Variants in ASPH observed in about 807,000 individuals in gnomAD.
The protein encoded by ASPH is aspartyl/asparaginyl beta-hydroxylase.
ASPH carries 100 observed loss-of-function variants against 118.4 expected under a neutral mutation model. The ratio of observed to expected loss-of-function variants is 0.84; its 90% confidence interval spans 0.72 to 1.00. The LOEUF (loss-of-function observed/expected upper bound fraction) is 1.00. ASPH is among the 50% of genes least tolerant of loss of function. The pLI is 0.00. For missense variants in ASPH, 920 were observed against 919.5 expected (o/e 1.00, Z -0.01); for synonymous variants, 315 against 325.6 (o/e 0.97, Z 0.35).
intron 9 of ASPH, 61 bp downstream of exon 9, chr8:61,643,325 A>G: frequency 6.6e-7 from 1 of 1,513,004 alleles, no homozygotes; most frequent in Non-Finnish European, 9.0e-7. Flanking sequence ...ATGTAAACAC[A>G]GCATGTGATT....
chr8:61,585,164 C>T (rs1370771586), intron 14 of ASPH, among the ~76,000 whole-genome samples: 2 of 152,156 alleles, frequency 1.3e-5, no homozygotes, highest in African/African-American at 2.4e-5. Context: ...TGGCTCTGTG[C>T]ACAACCTCAG....
At chr8:61,504,597 G>A (rs1393967827) in intron 24 of ASPH, among the ~76,000 whole-genome samples, 1 of 152,150 alleles carries the variant, frequency 6.6e-6, no homozygotes, top group Non-Finnish European at 1.5e-5. Context: ...ATCTAGGCTG[G>A]ATCATTCTCT....
Position 61,654,068 on chromosome 8 carries a change from G to A in ASPH, c.323-408C>T, listed in dbSNP as rs184991404. On this transcript the variant is annotated intron_variant, in intron 3 of 24. Coordinates refer to ENST00000379454, the MANE Select transcript of ASPH (RefSeq NM_004318.4). ...AATTTTCTGTTATTCAGGTACACTC[G>A]ATGTTTTCACTTATATAATTATTTA... Among the ~76,000 whole-genome samples, 37 of 152,196 alleles carry A rather than the reference G, an allele frequency of 2.4e-4. No homozygotes were observed. The East Asian group carries it at 6.9e-3, about 29-fold the overall frequency.
At chr8:61,533,434 C>T (rs1391294630) in intron 21 of ASPH, among the ~76,000 whole-genome samples, 6 of 152,086 alleles carry the variant, frequency 3.9e-5, no homozygotes, top group South Asian at 2.1e-4. Context: ...TACATTTTCT[C>T]GATTTCCCAC....
chr8:61,601,750 G>C (rs1389685012), intron 14 of ASPH, among the ~76,000 whole-genome samples: 2 of 151,272 alleles, frequency 1.3e-5, no homozygotes, highest in Non-Finnish European at 2.9e-5. Context: ...AAGAAAAAGA[G>C]AGAAGACACA....
intron 16 of ASPH, among the ~76,000 whole-genome samples, chr8:61,575,482 G>A (rs1563878154): frequency 6.6e-6 from 1 of 152,002 alleles, no homozygotes; most frequent in Non-Finnish European, 1.5e-5. Context: ...CTTGTCTTAT[G>A]CATTGTCTTC....
rs980472082 is a variant in ASPH, at chr8:61,550,690, C to T, written c.1626+2341G>A. 9.8e-5 allele frequency among the ~76,000 whole-genome samples: 15 copies of T among 152,288 alleles called. No homozygotes were observed. The East Asian group carries it at 2.1e-3, about 22-fold the overall frequency. ...TGCCTAAGGATTGTAAATGCTATCG[C>T]GTGCAAACAGAATGTTATGTTATTT... On this transcript the variant is annotated intron_variant, in intron 20 of 24. Coordinates refer to ENST00000379454, the MANE Select transcript of ASPH (RefSeq NM_004318.4).
At chr8:61,623,964 T>C (rs369147357) in intron 13 of ASPH, 1 of 153,212 alleles carries the variant, frequency 6.5e-6, no homozygotes, top group African/African-American at 2.4e-5. Flanking sequence ...TGCTAAAAAT[T>C]AAAACAATTG....
chr8:61,668,094 T>C, intron 3 of ASPH: 1 of 710,298 alleles, frequency 1.4e-6, no homozygotes, highest in Non-Finnish European at 2.3e-6. Flanking sequence ...AAACTACTTA[T>C]AACCTAAGTT....
chr8:61,638,660 G>T (rs566436523), intron 10 of ASPH, among the ~76,000 whole-genome samples: 1 of 152,238 alleles, frequency 6.6e-6, no homozygotes, highest in East Asian at 1.9e-4. Context: ...TGTACCCTGG[G>T]AATCAACTGG....
At chr8:61,709,533 G>A (rs1837555979) in intron 1 of ASPH, among the ~76,000 whole-genome samples, 1 of 152,176 alleles carries the variant, frequency 6.6e-6, no homozygotes, top group Non-Finnish European at 1.5e-5. Flanking sequence ...AGCAGCCCTT[G>A]CACCTCCACA....
Position 61,650,840 on chromosome 8 carries a change from T to C in ASPH, c.490+210A>G, listed in dbSNP as rs546094891. Among the ~76,000 whole-genome samples the C allele has an allele frequency of 4.6e-5, 7 of 152,346 alleles. No homozygotes were observed. The South Asian group carries it at 6.2e-4, about 14-fold the overall frequency. Reference sequence around the variant, plus strand: ...TCCCACCAGTTCTCTCTTAGATGTATGCAGTGAGTTCCTCCACGGTGAAGT... The same window carrying C: ...TCCCACCAGTTCTCTCTTAGATGTACGCAGTGAGTTCCTCCACGGTGAAGT... On this transcript the variant is annotated intron_variant, in intron 5 of 24. Transcript: ENST00000379454.
At chr8:61,573,390 G>A (rs1326667095) in intron 16 of ASPH, among the ~76,000 whole-genome samples, 1 of 152,122 alleles carries the variant, frequency 6.6e-6, no homozygotes, top group Non-Finnish European at 1.5e-5. Flanking sequence ...AACCAAAAAA[G>A]AGCCATATAG....
At chr8:61,670,271 A>G (rs1821769368) in intron 3 of ASPH, among the ~76,000 whole-genome samples, 1 of 151,994 alleles carries the variant, frequency 6.6e-6, no homozygotes, top group Admixed American at 6.6e-5. Context: ...ATAAAATGAA[A>G]TTAAATTTTT....
intron 20 of ASPH, among the ~76,000 whole-genome samples, chr8:61,549,195 T>C (rs1824982060): frequency 7.2e-5 from 11 of 152,250 alleles, no homozygotes; most frequent in Admixed American, 7.2e-4. Context: ...AGATACACTT[T>C]AGATGTAAAA....
chr8:61,587,412 A>G (rs1386751949), intron 14 of ASPH, among the ~76,000 whole-genome samples: 1 of 152,230 alleles, frequency 6.6e-6, no homozygotes, highest in Non-Finnish European at 1.5e-5. Flanking sequence ...AGTGTCTATC[A>G]ACAGAATGAC....
chr8:61,518,615 A>T (rs1218980912), intron 22 of ASPH, among the ~76,000 whole-genome samples: 1 of 152,242 alleles, frequency 6.6e-6, no homozygotes, highest in Non-Finnish European at 1.5e-5. Context: ...GCTGAAAAAA[A>T]GAAAATGGTA....
chr8:61,614,248 C>A (rs1039310893), intron 14 of ASPH, among the ~76,000 whole-genome samples: 7 of 152,070 alleles, frequency 4.6e-5, no homozygotes, highest in African/African-American at 1.7e-4. Context: ...AAGTATAAGT[C>A]TAAATAAAAA....
At chr8:61,506,907 G>A (rs1228440825) in intron 24 of ASPH, among the ~76,000 whole-genome samples, 1 of 152,074 alleles carries the variant, frequency 6.6e-6, no homozygotes, top group African/African-American at 2.4e-5. Flanking sequence ...CATCTTCAGA[G>A]CATCTGTGAA....
Sources: allele counts gnomAD v4.1 joint callset (sites outside exome capture counted in the v4.1 genomes callset), GRCh38; gene constraint gnomAD v4.1.1; transcripts MANE v1.5; gene names NCBI Gene and HGNC (gene_info 2026-07-23, HGNC 2026-07-21).